SPEG: variants seen among roughly 807,000 people sequenced by gnomAD.
SPEG encodes the protein striated muscle preferentially expressed protein kinase.
A neutral mutation model predicts 300.4 loss-of-function variants in SPEG; 114 were observed. The observed-to-expected ratio is 0.38, with a 90% CI of 0.33 to 0.44. SPEG has a LOEUF of 0.44. Ranked by LOEUF, SPEG falls within the 20% of genes least tolerant of loss-of-function variation. The pLI, the probability that SPEG is intolerant of heterozygous loss-of-function variation, is 1.00. For synonymous variants in SPEG, 1,964 were observed against 2,018.9 expected (o/e 0.97, Z 0.73); for missense variants, 4,201 against 4,586.2 (o/e 0.92, Z 2.43).
At position 219,477,735 on chromosome 2, in the gene SPEG, T is replaced by C. The variant is rs775493186; in HGVS notation, c.4776T>C (p.His1592=). ...AGGGGGTCGGGGAGGATGAGGACCA[T>C]CGAGGAAGGAGACTCAGCGACTTTT... ...EVEGVGEDED[H]RGRRLSDFYD... The change falls in exon 21 of 41, where the codon CAT becomes CAC. Residue 1592 remains histidine, a synonymous_variant. Transcript: ENST00000312358. This position sits in a 1 kb window ranked among gnomAD's most constrained non-coding sequence, Gnocchi z 6.4. 9.3e-6 allele frequency: 15 copies of C among 1,608,394 alleles called. No individual in the cohort carries two copies. Among genetic ancestry groups the C allele is most frequent in the Non-Finnish European group, 1.3e-5 (15 of 1,176,496 alleles).
chr2:219,478,216 T>C (rs982726140), intron 22 of SPEG, 111 bp downstream of exon 22: 1 of 900,620 alleles, frequency 1.1e-6, no homozygotes, highest in African/African-American at 1.7e-5. Flanking sequence ...CAATTGACAA[T>C]TGGGAGGGAT....
chr2:219,492,937 A>C lies in SPEG; in HGVS notation c.*151A>C. Reference sequence around the variant, plus strand: ...CTGGGCTCTTACCTCATAGACCTTCAAGGACAGAGACCCCAGGGCCTGGAC... The same window carrying C: ...CTGGGCTCTTACCTCATAGACCTTCCAGGACAGAGACCCCAGGGCCTGGAC... On this transcript the variant is annotated 3_prime_UTR_variant, in exon 41 of 41. Transcript: ENST00000312358. 1 of 858,522 alleles carries C rather than the reference A, an allele frequency of 1.2e-6. No homozygotes were observed. The highest frequency in any genetic ancestry group is 1.9e-6 in the Non-Finnish European group (1 of 528,810). 53.2% of individuals were successfully genotyped at this position (858,522 alleles called of 1,614,324 possible).
Position 219,476,904 on chromosome 2 carries a change from G to A in SPEG, c.4482G>A (p.Val1494=). ...GGTTTGAGTCCATCATGGAGGACGT[G>A]GAGGTGGGGGCTGGGGAAACTGCTC... ...APRFESIMED[V]EVGAGETARF... Residue 1494 remains valine, a synonymous_variant, in exon 19 of 41, where the codon GTG becomes GTA. Coordinates refer to ENST00000312358, the MANE Select transcript of SPEG (RefSeq NM_005876.5). 1.2e-6 allele frequency: 2 copies of A among 1,613,842 alleles called. No homozygotes were observed. The highest frequency in any genetic ancestry group is 1.7e-6 in the Non-Finnish European group (2 of 1,179,970).
At chr2:219,447,025 AC>A (rs1689351036) in intron 3 of SPEG, among the ~76,000 whole-genome samples, 1 of 74,508 alleles carries the variant, frequency 1.3e-5, no homozygotes, top group African/African-American at 5.1e-5. Flanking sequence ...CCCCTCACCC[AC>A]CCCCTCCTCC....
chr2:219,460,499 C>T (rs1318890527), intron 6 of SPEG: 1 of 985,306 alleles, frequency 1.0e-6, no homozygotes, highest in East Asian at 1.1e-4. Flanking sequence ...GCAGTGCCAC[C>T]CCTCCCCTGT....
At position 219,439,026 on chromosome 2, in the gene SPEG, C is replaced by CA. The variant is rs1427402574; in HGVS notation, c.388+3663dup. ...GGGGAGTGTCAACATGCATGCATGC[C>CA]AAGTGCTGACCAGTGAGCGGAGGAG... On this transcript the variant is annotated intron_variant, in intron 1 of 40. Coordinates refer to ENST00000312358, the MANE Select transcript of SPEG (RefSeq NM_005876.5). This position sits in a 1 kb window ranked among gnomAD's most constrained non-coding sequence, Gnocchi z 4.5. Among the ~76,000 whole-genome samples the CA allele has an allele frequency of 6.6e-6, 1 of 152,134 alleles. No homozygotes were observed. Among genetic ancestry groups the CA allele is most frequent in the African/African-American group, 2.4e-5 (1 of 41,418 alleles).
chr2:219,462,103 C>T (rs1298707123), intron 7 of SPEG, 46 bp downstream of exon 7: 2 of 1,454,548 alleles, frequency 1.4e-6, no homozygotes, highest in South Asian at 2.6e-5. Context: ...TGCCCCCGTT[C>T]CTTTGGGTGC....
At position 219,481,114 on chromosome 2, in the gene SPEG, C is replaced by T. The variant is rs1575161047; in HGVS notation, c.5370-190C>T. Among the ~76,000 whole-genome samples, 1 of 152,180 alleles carries T rather than the reference C, an allele frequency of 6.6e-6. No homozygotes were observed. The highest frequency in any genetic ancestry group is 1.9e-4 in the East Asian group (1 of 5,182). ...TAGGCCCCAAGGCAGCACCACCTCC[C>T]TGCCCATCAGGGGGGCTGGGGAGGG... is the stretch of plus-strand genomic sequence containing the variant. On this transcript the variant is annotated intron_variant, in intron 26 of 40. Coordinates refer to ENST00000312358, the MANE Select transcript of SPEG (RefSeq NM_005876.5). The surrounding 1 kb of genome is among the most constrained non-coding windows in gnomAD (Gnocchi z 5.4).
At position 219,479,029 on chromosome 2, in the gene SPEG, A is replaced by G. The variant is rs1457526583; in HGVS notation, c.5028-115A>G. 1.7e-5 allele frequency: 15 copies of G among 877,276 alleles called. No homozygotes were observed. The highest frequency in any genetic ancestry group is 2.4e-5 in the Non-Finnish European group (13 of 540,728). 54.3% of individuals were successfully genotyped at this position (877,276 alleles called of 1,614,324 possible). A position where few individuals can be genotyped will look rare whatever the true frequency, so the allele number is the denominator to read the frequency against. ...AGCGGAGAGGCAGTCTCTGGCTAGT[A>G]TCAAGCATTCTGTAAGGGGAAGGAG... On this transcript the variant is annotated intron_variant, in intron 22 of 40. Transcript: ENST00000312358. The surrounding 1 kb of genome is among the most constrained non-coding windows in gnomAD (Gnocchi z 5.5).
Position 219,449,071 on chromosome 2 carries a change from T to C in SPEG, c.1913T>C (p.Val638Ala). 6.6e-7 allele frequency: 1 copy of C among 1,517,352 alleles called. No homozygotes were observed. 94.0% of individuals were successfully genotyped at this position (1,517,352 alleles called of 1,614,324 possible). A position where few individuals can be genotyped will look rare whatever the true frequency, so the allele number is the denominator to read the frequency against. Residue 638 changes from valine (V) to alanine (A), a missense_variant, in exon 4 of 41, where the codon GTG becomes GCG. Coordinates refer to ENST00000312358, the MANE Select transcript of SPEG (RefSeq NM_005876.5). ...GRKREPPAQAVRFLPWATPGL... is the reference protein window; with the variant it reads ...GRKREPPAQAARFLPWATPGL... ...AAGCGGGAGCCCCCGGCGCAGGCCG[T>C]GCGCTTCCTGCCCTGGGCCACGCCG...
Position 219,449,113 on chromosome 2 carries a change from C to A in SPEG, c.1955C>A (p.Ala652Asp). The stretch of plus-strand genomic sequence containing the variant: ...GCCACGCCGGGCCTGGAGGGCGCTG[C>A]TGTACCCCAGACCTTGGAGAAGAAC... The part of the protein sequence containing the change: ...PWATPGLEGA[A>D]VPQTLEKNRA... The change falls in exon 4 of 41, where the codon GCT (alanine) becomes GAT (aspartate). Residue 652 changes from alanine (A) to aspartate (D), a missense_variant. Transcript: ENST00000312358. 2.0e-6 allele frequency: 3 copies of A among 1,476,316 alleles called. No homozygotes were observed. The highest frequency in any genetic ancestry group is 1.4e-5 in the South Asian group (1 of 73,496). The allele number at this position is 1,476,316 out of a possible 1,614,324, so 91.5% of individuals were successfully genotyped here.
In SPEG at chr2:219,492,790, C is replaced by T; in HGVS notation, c.*4C>T. On this transcript the variant is annotated 3_prime_UTR_variant, in exon 41 of 41. Transcript: ENST00000312358. ...CTCCTACCCTGGCGGCCCCTAGAGG[C>T]ACGGACCACAGCCAGGCCTCGGGCT... 6.3e-7 allele frequency: 1 copy of T among 1,579,962 alleles called. No individual in the cohort carries two copies. The highest frequency in any genetic ancestry group is 8.6e-7 in the Non-Finnish European group (1 of 1,169,126).
rs1441084347 is a variant in SPEG, at chr2:219,481,449, G to T, written c.5515G>T (p.Asp1839Tyr). The T allele has an allele frequency of 6.2e-7, 1 of 1,614,082 alleles. No individual in the cohort carries two copies. Among genetic ancestry groups the T allele is most frequent in the Non-Finnish European group, 8.5e-7 (1 of 1,180,002 alleles). ...RGFLIKVLVQ[D>Y]RLRPTAEETL... is the part of the protein sequence containing the mutation. ...CTTCCTCATCAAAGTGTTGGTGCAG[G>T]ACCGGCTGTGAGTACAAGGCCCTGG... Residue 1839 changes from aspartate (D) to tyrosine (Y), a missense_variant, in exon 27 of 41, where the codon GAC (aspartate) becomes TAC (tyrosine). Asp to Tyr is a radical substitution (Grantham distance 160). This residue lies in a region of SPEG where 1,047 missense variants were observed against 1,356.8 expected (regional missense o/e 0.77). Transcript: ENST00000312358. This position sits in a 1 kb window ranked among gnomAD's most constrained non-coding sequence, Gnocchi z 5.4.
rs762334870 is a variant in SPEG at position 219,451,642 on chromosome 2, G to A, written c.2275G>A (p.Gly759Arg). 1 of 1,570,586 alleles carries A rather than the reference G, an allele frequency of 6.4e-7. No homozygotes were observed. The highest frequency in any genetic ancestry group is 1.2e-5 in the South Asian group (1 of 85,440). Residue 759 changes from glycine (G) to arginine (R), a missense_variant, in exon 6 of 41, where the codon GGG (glycine) becomes AGG (arginine). By Grantham distance (125) the Gly-to-Arg change is moderately radical. Transcript: ENST00000312358. The surrounding 1 kb of genome is among the most constrained non-coding windows in gnomAD (Gnocchi z 6.4). Reference sequence around the variant, plus strand: ...CCCCACAGTGTCCTGGCACAAGGATGGGTCAGCGCTGCGCAGCGAGGGCCG... The same window carrying A: ...CCCCACAGTGTCCTGGCACAAGGATAGGTCAGCGCTGCGCAGCGAGGGCCG... Reference protein sequence around the residue: ...PPPQVSWHKDGSALRSEGRLL... With the variant: ...PPPQVSWHKDRSALRSEGRLL...
chr2:219,490,838 C>T lies in SPEG; in HGVS notation c.9267C>T (p.Asp3089=), dbSNP rs377528669. Residue 3089 remains aspartate, a synonymous_variant, in exon 38 of 41, where the codon GAC becomes GAT. Coordinates refer to ENST00000312358, the MANE Select transcript of SPEG (RefSeq NM_005876.5). ...TGCTCCACCTAGACATCAAGCCAGA[C>T]AACCTGCTGCTGGCCCCTGACAATG... The part of the protein sequence containing the change: ...HHVLHLDIKP[D]NLLLAPDNAL... The T allele has an allele frequency of 1.9e-6, 3 of 1,614,102 alleles. No individual in the cohort carries two copies. The highest frequency in any genetic ancestry group is 1.1e-5 in the South Asian group (1 of 91,090).
chr2:219,468,480 G>T lies in SPEG; in HGVS notation c.3143-98G>T. 9 of 1,391,078 alleles carry T rather than the reference G, an allele frequency of 6.5e-6. No individual in the cohort carries two copies. In the South Asian group the frequency reaches 9.4e-5, roughly 14 times the overall value. 86.2% of individuals were successfully genotyped at this position (1,391,078 alleles called of 1,614,324 possible). On this transcript the variant is annotated intron_variant, in intron 10 of 40. Transcript: ENST00000312358. ...AGAGCCTTTGCTGGGCTCTGCCCAG[G>T]CTCCAGCTTCCTGCTCAGCCTTAGG...
At position 219,479,943 on chromosome 2, in the gene SPEG, C is replaced by T. The variant is rs1445999956; in HGVS notation, c.5164-19C>T. ...TTCCTTGTTCATTTGGCCCGCACAC[C>T]TCGCCTTGTGTCTTCCAGCCTGAGA... On this transcript the variant is annotated intron_variant, in intron 24 of 40. Transcript: ENST00000312358. This position sits in a 1 kb window ranked among gnomAD's most constrained non-coding sequence, Gnocchi z 5.5. The T allele has an allele frequency of 5.0e-6, 8 of 1,614,066 alleles. No homozygotes were observed. In the African/African-American group the frequency reaches 9.3e-5, roughly 19 times the overall value.
chr2:219,437,753 A>T (rs1215130829), intron 1 of SPEG, among the ~76,000 whole-genome samples: 1 of 152,046 alleles, frequency 6.6e-6, no homozygotes, highest in Non-Finnish European at 1.5e-5. Flanking sequence ...GACTGGGTGA[A>T]TCTGGCTTCC....
intron 3 of SPEG, among the ~76,000 whole-genome samples, chr2:219,446,774 C>CT (rs905761785): frequency 7.9e-5 from 12 of 152,154 alleles, no homozygotes; most frequent in Non-Finnish European, 1.8e-4. Context: ...GGCATTTAAT[C>CT]TTTTTTATGC....
Sources: allele counts gnomAD v4.1 joint callset (sites outside exome capture counted in the v4.1 genomes callset), GRCh38; gene constraint gnomAD v4.1.1; regional missense constraint gnomAD v4.1.1; non-coding constraint Gnocchi (gnomAD v3.1); transcripts MANE v1.5; gene names NCBI Gene and HGNC (gene_info 2026-07-23, HGNC 2026-07-21).